Variants in TCF7L1 observed in about 807,000 individuals in gnomAD.
TCF7L1 encodes transcription factor 7 like 1, also known as transcription factor 7-like 1.
A neutral mutation model predicts 63.7 loss-of-function variants in TCF7L1; 18 were observed. The observed-to-expected ratio is 0.28, with a 90% CI of 0.20 to 0.42. The LOEUF is 0.42. Among genes scored for constraint, TCF7L1 ranks in the 10% least tolerant of loss-of-function variants. TCF7L1 has a pLI of 1.00. For synonymous variants in TCF7L1, 355 were observed against 340.9 expected, an observed-to-expected ratio of 1.04 and a Z score of -0.46; for missense variants, 654 against 779.3, an observed-to-expected ratio of 0.84 and a Z score of 1.91.
At chr2:85,214,275 G>GGTGCT (rs1679642376) in intron 3 of TCF7L1, among the ~76,000 whole-genome samples, 1 of 152,226 alleles carries the variant, frequency 6.6e-6, no homozygotes, top group East Asian at 1.9e-4. Context: ...ATTACCGGGT[G>GGTGCT]ATGCTCGAAG....
chr2:85,161,333 G>T (rs1298624410), intron 3 of TCF7L1, among the ~76,000 whole-genome samples: 1 of 152,190 alleles, frequency 6.6e-6, no homozygotes, highest in Non-Finnish European at 1.5e-5. Context: ...GGTTTTTGGC[G>T]CCTGAACTTG....
intron 3 of TCF7L1, among the ~76,000 whole-genome samples, chr2:85,261,924 T>G (rs1404072842): frequency 6.6e-6 from 1 of 152,208 alleles, no homozygotes; most frequent in African/African-American, 2.4e-5. Flanking sequence ...TTTATTGCCA[T>G]CTTGTAATAA....
intron 3 of TCF7L1, among the ~76,000 whole-genome samples, chr2:85,185,567 C>T (rs1278877925): frequency 6.6e-6 from 1 of 152,160 alleles, no homozygotes; most frequent in Non-Finnish European, 1.5e-5. Flanking sequence ...CAGAGCTCCT[C>T]ATGGAAGCTC....
At chr2:85,305,672 G>A (rs1447577180) in intron 8 of TCF7L1, among the ~76,000 whole-genome samples, 1 of 152,132 alleles carries the variant, frequency 6.6e-6, no homozygotes, top group Non-Finnish European at 1.5e-5. Context: ...ACCTGAGAAA[G>A]CTTTTAACAC....
chr2:85,156,951 G>A (rs948981912), intron 3 of TCF7L1, among the ~76,000 whole-genome samples: 10 of 152,340 alleles, frequency 6.6e-5, no homozygotes, highest in African/African-American at 1.7e-4. Flanking sequence ...AGCATCTAGA[G>A]GGTAAAGGTC....
intron 3 of TCF7L1, among the ~76,000 whole-genome samples, chr2:85,281,352 C>T (rs1474788434): frequency 2.6e-5 from 4 of 152,270 alleles, no homozygotes; most frequent in South Asian, 2.1e-4. Flanking sequence ...GGGATAGTCA[C>T]CCCTACTTGT....
chr2:85,310,316 T>G lies in TCF7L1; in HGVS notation c.*854T>G, dbSNP rs193171521. The G allele has an allele frequency of 2.0e-5, 3 of 152,716 alleles. No individual in the cohort carries two copies. Among genetic ancestry groups the G allele is most frequent in the Non-Finnish European group, 2.9e-5 (2 of 68,032 alleles). 9.5% of individuals were successfully genotyped at this position (152,716 alleles called of 1,614,324 possible). A position where few individuals can be genotyped will look rare whatever the true frequency, so the allele number is the denominator to read the frequency against. On this transcript the variant is annotated 3_prime_UTR_variant, in exon 12 of 12. Coordinates refer to ENST00000282111, the MANE Select transcript of TCF7L1 (RefSeq NM_031283.3). ...TGTGTATTTCTTTTTGTTTTTATGG[T>G]TTTTGGAGCAATTTAAACTCCCAGT...
Position 85,241,431 on chromosome 2 carries a change from G to GTTTTTTTTTTTTTTTTTTTTTTTTTTTT in TCF7L1, c.442-42059_442-42058insTTTTTTTTTTTTTTTTTTTTTTTTTTTT, listed in dbSNP as rs1273488175. Among the ~76,000 whole-genome samples, 2 of 68,782 alleles carry GTTTTTTTTTTTTTTTTTTTTTTTTTTTT rather than the reference G, an allele frequency of 2.9e-5. 1 individual carries two copies. The highest frequency in any genetic ancestry group is 1.0e-4 in the African/African-American group (2 of 19,218). 45.1% of individuals were successfully genotyped at this position (68,782 alleles called of 152,430 possible). A position where few individuals can be genotyped will look rare whatever the true frequency, so the allele number is the denominator to read the frequency against. On this transcript the variant is annotated intron_variant, in intron 3 of 11. Transcript: ENST00000282111. ...TGATCCAGAGGACTGGATGCACTTT[G>GTTTTTTTTTTTTTTTTTTTTTTTTTTTT]TTTTTGTTTTTTTTTTTTTTTTTTT...
intron 11 of TCF7L1, among the ~76,000 whole-genome samples, chr2:85,308,474 TCC>T (rs1197692556): frequency 1.6e-5 from 1 of 63,060 alleles, no homozygotes; most frequent in Non-Finnish European, 2.8e-5. Context: ...TCCCTCCCTC[TCC>T]CCCTCCTTCC....
chr2:85,309,776 C>T lies in TCF7L1; in HGVS notation c.*314C>T, dbSNP rs755876710. ...GCACTTCTCTCTCTTACCTCTCTTG[C>T]ACTTTCTGTCTCCTGTCTCTTCTCG... is the stretch of plus-strand genomic sequence containing the variant. On this transcript the variant is annotated 3_prime_UTR_variant, in exon 12 of 12. Coordinates refer to ENST00000282111, the MANE Select transcript of TCF7L1 (RefSeq NM_031283.3). 75 of 297,300 alleles carry T rather than the reference C, an allele frequency of 2.5e-4. No individual in the cohort carries two copies. The highest frequency in any genetic ancestry group is 4.3e-4 in the Non-Finnish European group (70 of 161,760). 18.4% of individuals were successfully genotyped at this position (297,300 alleles called of 1,614,324 possible).
intron 4 of TCF7L1, among the ~76,000 whole-genome samples, chr2:85,299,677 G>A (rs1681916932): frequency 1.3e-5 from 2 of 151,704 alleles, no homozygotes; most frequent in African/African-American, 4.8e-5. Context: ...GAACAGCCTG[G>A]GCAACATGGT....
In TCF7L1 at chr2:85,309,413, C is replaced by T. The variant is rs555810312; in HGVS notation, c.1718C>T (p.Pro573Leu). The change falls in exon 12 of 12, where the codon CCG (proline) becomes CTG (leucine). Residue 573 changes from proline (P) to leucine (L), a missense_variant. Pro to Leu is a moderately conservative substitution (Grantham distance 98). Coordinates refer to ENST00000282111, the MANE Select transcript of TCF7L1 (RefSeq NM_031283.3). ...ACGCTCCATGCCCACCAGGCCCTCC[C>T]GGTGCTACAGGCCCAGCCTCTTTCC... ...PATLHAHQALPVLQAQPLSLV... is the reference protein window; with the variant it reads ...PATLHAHQALLVLQAQPLSLV... 8.2e-6 allele frequency: 13 copies of T among 1,578,602 alleles called. No homozygotes were observed. The East Asian group carries it at 9.0e-5, about 11-fold the overall frequency.
intron 3 of TCF7L1, among the ~76,000 whole-genome samples, chr2:85,264,872 T>C (rs781606906): frequency 1.3e-5 from 2 of 152,174 alleles, no homozygotes; most frequent in South Asian, 2.1e-4. Context: ...GGTTATGATA[T>C]TGAATTTGTC....
chr2:85,216,801 G>A (rs6709476), intron 3 of TCF7L1, among the ~76,000 whole-genome samples: 38,174 of 152,042 alleles, frequency 0.25, 9,104 homozygotes, highest in African/African-American at 0.63. Context: ...AATACCTGCA[G>A]TGAGCGCCAA....
chr2:85,134,313 T>A lies in TCF7L1; in HGVS notation c.314-10T>A. The A allele has an allele frequency of 6.3e-7, 1 of 1,579,084 alleles. No individual in the cohort carries two copies. The stretch of plus-strand genomic sequence containing the variant: ...GCCTGGGCCTCACCTCGCCTTGGTC[T>A]TGTTCGCAGTGAGAAGGCCTCAGGA... On this transcript the variant is annotated splice_polypyrimidine_tract_variant and intron_variant, in intron 2 of 11. Coordinates refer to ENST00000282111, the MANE Select transcript of TCF7L1 (RefSeq NM_031283.3). The surrounding 1 kb of genome is among the most constrained non-coding windows in gnomAD (Gnocchi z 5.0).
chr2:85,258,396 G>A (rs1330111213), intron 3 of TCF7L1, among the ~76,000 whole-genome samples: 1 of 152,160 alleles, frequency 6.6e-6, no homozygotes, highest in Non-Finnish European at 1.5e-5. Context: ...AGCCACTGGT[G>A]TGCACACCTA....
intron 3 of TCF7L1, among the ~76,000 whole-genome samples, chr2:85,244,516 A>G (rs987898172): frequency 6.6e-6 from 1 of 152,154 alleles, no homozygotes; most frequent in African/African-American, 2.4e-5. Flanking sequence ...AGCAAGAGGA[A>G]GAAGAGTTAG....
In TCF7L1 at chr2:85,258,502, A is replaced by G. The variant is rs141611348; in HGVS notation, c.442-24993A>G. On this transcript the variant is annotated intron_variant, in intron 3 of 11. Coordinates refer to ENST00000282111, the MANE Select transcript of TCF7L1 (RefSeq NM_031283.3). ...TTTCCATGTGTGGTCCCAAGACCTC[A>G]TAGGACAAGATGGAACTGGGAATGG... 9.2e-3 allele frequency among the ~76,000 whole-genome samples: 1,400 copies of G among 152,266 alleles called. 17 individuals carry two copies. The highest frequency in any genetic ancestry group is 0.032 in the African/African-American group (1,338 of 41,530).
intron 3 of TCF7L1, among the ~76,000 whole-genome samples, chr2:85,209,320 G>A (rs1679490503): frequency 6.6e-6 from 1 of 152,230 alleles, no homozygotes; most frequent in Non-Finnish European, 1.5e-5. Flanking sequence ...AGTTATATGT[G>A]AGGTGGTGGC....
Sources: gnomAD v4.1 joint callset for allele counts (sites outside exome capture counted in the v4.1 genomes callset) on GRCh38, gnomAD v4.1.1 for gene constraint, Gnocchi (gnomAD v3.1) non-coding constraint, MANE v1.5 for transcripts, NCBI Gene and HGNC (gene_info 2026-07-23, HGNC 2026-07-21) for gene names.